PDE4D: variants seen among roughly 807,000 people sequenced by gnomAD.
The protein encoded by PDE4D is phosphodiesterase 4D, also known as 3',5'-cyclic-AMP phosphodiesterase 4D.
PDE4D carries 24 observed loss-of-function variants against 87.4 expected under a neutral mutation model. The observed-to-expected ratio is 0.27, with a 90% confidence interval of 0.20 to 0.39. The LOEUF (loss-of-function observed/expected upper bound fraction) is 0.39. Ranked by LOEUF, PDE4D falls within the 10% of genes least tolerant of loss-of-function variation. The pLI, the probability that PDE4D is intolerant of heterozygous loss-of-function variation, is 1.00. For synonymous variants in PDE4D, 384 were observed against 383.2 expected, an observed-to-expected ratio of 1.00 and a Z score of -0.02; for missense variants, 714 against 1,041.0, an observed-to-expected ratio of 0.69 and a Z score of 4.32.
At chr5:59,116,933 T>A (rs1311143320) in intron 5 of PDE4D, among the ~76,000 whole-genome samples, 1 of 152,226 alleles carries the variant, frequency 6.6e-6, no homozygotes, top group Non-Finnish European at 1.5e-5. Flanking sequence ...GATGAGAGGT[T>A]GCTTTAGGCA....
chr5:59,499,295 G>A (rs1486069973), intron 1 of PDE4D, among the ~76,000 whole-genome samples: 1 of 148,648 alleles, frequency 6.7e-6, no homozygotes, highest in East Asian at 2.0e-4. Flanking sequence ...TTCTAGCACT[G>A]AATGTCTACA....
chr5:59,549,994 G>A (rs1817851425), intron 1 of PDE4D, among the ~76,000 whole-genome samples: 1 of 151,670 alleles, frequency 6.6e-6, no homozygotes, highest in African/African-American at 2.4e-5. Context: ...AAGAAACGAA[G>A]TGTCACAGAG....
At chr5:59,383,875 C>T (rs2153604311) in intron 1 of PDE4D, among the ~76,000 whole-genome samples, 1 of 151,542 alleles carries the variant, frequency 6.6e-6, no homozygotes, top group South Asian at 2.1e-4. Context: ...TAGAAGTAAA[C>T]CATTTTTGTT....
intron 3 of PDE4D, among the ~76,000 whole-genome samples, chr5:59,904,220 A>G (rs1260095683): frequency 1.3e-5 from 2 of 152,132 alleles, no homozygotes; most frequent in African/African-American, 4.8e-5. Flanking sequence ...ATATGTATGT[A>G]TATATGTAAA....
chr5:59,135,322 T>C (rs190117545), intron 5 of PDE4D, among the ~76,000 whole-genome samples: 209 of 152,356 alleles, frequency 1.4e-3, no homozygotes, highest in African/African-American at 4.9e-3. Context: ...CTTTGGCAAG[T>C]AGTAGCAAAA....
chr5:60,001,878 C>T (rs1162479019), intron 2 of PDE4D, among the ~76,000 whole-genome samples: 1 of 29,154 alleles, frequency 3.4e-5, no homozygotes, highest in Admixed American at 4.0e-4. Context: ...ATAGTAATTA[C>T]AAAGGAAAAA....
At chr5:59,617,403 A>G (rs1455548937) in intron 1 of PDE4D, among the ~76,000 whole-genome samples, 3 of 152,254 alleles carry the variant, frequency 2.0e-5, no homozygotes, top group South Asian at 4.2e-4. Context: ...CCACGAATAA[A>G]CCCAAGTCCA....
intron 1 of PDE4D, among the ~76,000 whole-genome samples, chr5:59,613,832 C>T (rs1205858531): frequency 6.6e-6 from 1 of 151,974 alleles, no homozygotes; most frequent in Non-Finnish European, 1.5e-5. Context: ...AGAACAAATG[C>T]CAGAACTTAT....
intron 2 of PDE4D, among the ~76,000 whole-genome samples, chr5:60,144,151 A>G (rs1780798203): frequency 6.6e-6 from 1 of 152,134 alleles, no homozygotes; most frequent in South Asian, 2.1e-4. Flanking sequence ...AAAGGCCAAG[A>G]TAAGGCTTTT....
chr5:59,525,278 G>T (rs1284536780), intron 1 of PDE4D, among the ~76,000 whole-genome samples: 2 of 152,246 alleles, frequency 1.3e-5, no homozygotes, highest in Non-Finnish European at 2.9e-5. Context: ...AGCATGAACT[G>T]GATGTAAGAC....
At chr5:60,143,153 G>A (rs1029902424) in intron 2 of PDE4D, among the ~76,000 whole-genome samples, 1 of 152,066 alleles carries the variant, frequency 6.6e-6, no homozygotes, top group African/African-American at 2.4e-5. Flanking sequence ...CTGTTTAACA[G>A]GAAGCTAATT....
At chr5:60,470,844 A>G (rs1005769702) in intron 1 of PDE4D, among the ~76,000 whole-genome samples, 1 of 152,194 alleles carries the variant, frequency 6.6e-6, no homozygotes, top group Admixed American at 6.5e-5. Flanking sequence ...GTCACTCAAG[A>G]GATCTGATGA....
intron 2 of PDE4D, among the ~76,000 whole-genome samples, chr5:60,025,236 T>C (rs1447023989): frequency 2.0e-5 from 3 of 152,190 alleles, no homozygotes; most frequent in Non-Finnish European, 4.4e-5. Flanking sequence ...GTAGAACTTA[T>C]GAAAACGTTT....
chr5:60,080,526 T>C (rs563331113), intron 2 of PDE4D, among the ~76,000 whole-genome samples: 1 of 152,228 alleles, frequency 6.6e-6, no homozygotes, highest in South Asian at 2.1e-4. Flanking sequence ...TTTATCATAA[T>C]TAACTCTCAT....
At chr5:60,030,374 C>T (rs1441762810) in intron 2 of PDE4D, among the ~76,000 whole-genome samples, 2 of 152,086 alleles carry the variant, frequency 1.3e-5, no homozygotes, top group Non-Finnish European at 2.9e-5. Context: ...GGCGTGAACC[C>T]GGGAAGCGGA....
intron 5 of PDE4D, among the ~76,000 whole-genome samples, chr5:59,110,623 G>T (rs946832391): frequency 6.6e-6 from 1 of 152,136 alleles, no homozygotes; most frequent in Non-Finnish European, 1.5e-5. Context: ...TGTAATCCCA[G>T]CATTTTGGGA....
intron 1 of PDE4D, among the ~76,000 whole-genome samples, chr5:59,649,463 G>C (rs939678308): frequency 1.1e-4 from 16 of 152,060 alleles, no homozygotes; most frequent in African/African-American, 3.9e-4. Flanking sequence ...AAATTGGTTA[G>C]GAAAGCAACA....
In PDE4D at chr5:58,975,869, C is replaced by T. The variant is rs10051847; in HGVS notation, c.1831-30G>A. 216,124 of 1,344,500 alleles carry T rather than the reference C, an allele frequency of 0.16. 18,320 individuals carry two copies. Among genetic ancestry groups the T allele is most frequent in the Admixed American group, 0.2 (6,804 of 34,618 alleles). The allele number at this position is 1,344,500 out of a possible 1,614,324, so 83.3% of individuals were successfully genotyped here. A position where few individuals can be genotyped will look rare whatever the true frequency, so the allele number is the denominator to read the frequency against. ...AATAGATGGATGCATTCTCTATTCA[C>T]TCCTGTTCCTTTTTTTTAAAAAAAA... On this transcript the variant is annotated intron_variant, in intron 13 of 14. Transcript: ENST00000340635. This position sits in a 1 kb window ranked among gnomAD's most constrained non-coding sequence, Gnocchi z 4.2.
intron 1 of PDE4D, among the ~76,000 whole-genome samples, chr5:59,329,506 A>G (rs1776327938): frequency 6.6e-6 from 1 of 152,170 alleles, no homozygotes. Flanking sequence ...AAGTCCTTAA[A>G]TACATTATAA....
Sources: allele counts gnomAD v4.1 joint callset (sites outside exome capture counted in the v4.1 genomes callset), GRCh38; gene constraint gnomAD v4.1.1; non-coding constraint Gnocchi (gnomAD v3.1); transcripts MANE v1.5; gene names NCBI Gene and HGNC (gene_info 2026-07-23, HGNC 2026-07-21).